The following BRINP3 variants were observed in gnomAD, a reference collection of about 807,000 sequenced individuals.
The protein encoded by BRINP3 is BMP/retinoic acid-inducible neural-specific protein 3.
In BRINP3, 19 loss-of-function variants were observed where a neutral mutation model predicts 71.0. The observed-to-expected ratio is 0.27, with a 90% confidence interval of 0.19 to 0.39. The LOEUF is 0.39. Ranked by LOEUF, BRINP3 falls within the 10% of genes least tolerant of loss-of-function variation. The pLI is 1.00. For synonymous variants in BRINP3, 380 were observed against 337.7 expected (o/e 1.13, Z -1.37); for missense variants, 959 against 940.8 (o/e 1.02, Z -0.25).
chr1:190,361,860 G>T (rs1202986024), intron 2 of BRINP3, among the ~76,000 whole-genome samples: 3 of 152,106 alleles, frequency 2.0e-5, no homozygotes, highest in African/African-American at 7.2e-5. Flanking sequence ...TTGACAGGTG[G>T]TGGTAAATGT....
At chr1:190,325,068 T>C (rs937375175) in intron 2 of BRINP3, among the ~76,000 whole-genome samples, 2 of 151,946 alleles carry the variant, frequency 1.3e-5, no homozygotes, top group East Asian at 1.9e-4. Context: ...ATCGGCAGCA[T>C]AGTAGGACAA....
chr1:190,121,494 T>C (rs2102319141), intron 7 of BRINP3, among the ~76,000 whole-genome samples: 1 of 152,294 alleles, frequency 6.6e-6, no homozygotes, highest in East Asian at 1.9e-4. Flanking sequence ...GCTAACAATG[T>C]GCTATTGATA....
chr1:190,243,457 T>G (rs1442231642), intron 4 of BRINP3, among the ~76,000 whole-genome samples: 1 of 152,098 alleles, frequency 6.6e-6, no homozygotes, highest in Non-Finnish European at 1.5e-5. Flanking sequence ...AAACTGACAT[T>G]TTTATAAAAA....
chr1:190,246,623 T>C (rs556839065), intron 4 of BRINP3, among the ~76,000 whole-genome samples: 1 of 152,120 alleles, frequency 6.6e-6, no homozygotes, highest in South Asian at 2.1e-4. Flanking sequence ...TTCATTCAAA[T>C]TTAATTTACT....
chr1:190,421,617 T>A (rs1416932876), intron 2 of BRINP3, among the ~76,000 whole-genome samples: 2 of 151,702 alleles, frequency 1.3e-5, no homozygotes, highest in Admixed American at 1.3e-4. Context: ...ATAATAAATA[T>A]CACATGTCAC....
chr1:190,189,544 C>CT (rs543369470), intron 6 of BRINP3, among the ~76,000 whole-genome samples: 508 of 151,860 alleles, frequency 3.3e-3, no homozygotes, highest in African/African-American at 0.012. Context: ...GCTGTTGATA[C>CT]TTTTTTTCAC....
intron 2 of BRINP3, among the ~76,000 whole-genome samples, chr1:190,442,498 T>C (rs1674892917): frequency 6.6e-6 from 1 of 152,148 alleles, no homozygotes; most frequent in African/African-American, 2.4e-5. Context: ...TTTGACTCTT[T>C]TCAACTATTT....
chr1:190,369,840 T>C (rs575931638), intron 2 of BRINP3, among the ~76,000 whole-genome samples: 1 of 152,282 alleles, frequency 6.6e-6, no homozygotes, highest in South Asian at 2.1e-4. Context: ...AAATATATTA[T>C]GTTTTTAAAA....
intron 2 of BRINP3, among the ~76,000 whole-genome samples, chr1:190,316,676 C>T (rs1214579195): frequency 2.0e-5 from 3 of 152,054 alleles, no homozygotes; most frequent in Admixed American, 6.6e-5. Flanking sequence ...ACCTGTGGGA[C>T]CTCTAAAATC....
intron 6 of BRINP3, among the ~76,000 whole-genome samples, chr1:190,168,302 T>A (rs1332330651): frequency 6.6e-6 from 1 of 152,150 alleles, no homozygotes; most frequent in South Asian, 2.1e-4. Context: ...TATCAAATTC[T>A]CAGCCCTGAA....
chr1:190,471,815 G>A (rs990816577), intron 1 of BRINP3, among the ~76,000 whole-genome samples: 5 of 151,302 alleles, frequency 3.3e-5, no homozygotes, highest in South Asian at 2.1e-4. Context: ...TTTTGTAAAG[G>A]TGACTGTACC....
At position 190,280,725 on chromosome 1, in the gene BRINP3, T is replaced by C. The variant is rs553563252; in HGVS notation, c.427+835A>G. Among the ~76,000 whole-genome samples the C allele has an allele frequency of 5.3e-5, 8 of 152,052 alleles. No individual in the cohort carries two copies. In the South Asian group the frequency reaches 1.2e-3, roughly 24 times the overall value. ...GACAAGAAAGCAGGGATTCACTCTT[T>C]TCCTGGCTTTCCTATTCAATTTTAT... On this transcript the variant is annotated intron_variant, in intron 3 of 7. Transcript: ENST00000367462.
chr1:190,291,082 A>C (rs1480491706), intron 2 of BRINP3, among the ~76,000 whole-genome samples: 1 of 152,054 alleles, frequency 6.6e-6, no homozygotes, highest in Admixed American at 6.6e-5. Flanking sequence ...CAGAAGCAAA[A>C]AGCCAAGTAT....
At chr1:190,392,060 A>G (rs1387220729) in intron 2 of BRINP3, among the ~76,000 whole-genome samples, 1 of 9,802 alleles carries the variant, frequency 1.0e-4, no homozygotes, top group African/African-American at 2.1e-4. Context: ...AGCTTGGCCA[A>G]AAAAAAAAAA....
chr1:190,107,584 T>G (rs897076220), intron 7 of BRINP3, among the ~76,000 whole-genome samples: 3 of 152,034 alleles, frequency 2.0e-5, no homozygotes, highest in Non-Finnish European at 4.4e-5. Flanking sequence ...TATAATAGAT[T>G]CTTATCTTGT....
At chr1:190,138,765 C>T (rs537586615) in intron 7 of BRINP3, among the ~76,000 whole-genome samples, 10 of 152,124 alleles carry the variant, frequency 6.6e-5, no homozygotes, top group Non-Finnish European at 1.5e-4. Context: ...GGTAGAATGG[C>T]CATGTCCTTC....
At chr1:190,473,773 ATTT>A (rs200647038) in intron 1 of BRINP3, among the ~76,000 whole-genome samples, 3,394 of 142,402 alleles carry the variant, frequency 0.024, 57 homozygotes, top group Middle Eastern at 0.044. Flanking sequence ...ATAATTTTCT[ATTT>A]TTTTTTTTTT....
intron 7 of BRINP3, among the ~76,000 whole-genome samples, chr1:190,124,844 T>C (rs892217341): frequency 1.3e-5 from 2 of 152,056 alleles, no homozygotes; most frequent in African/African-American, 4.8e-5. Context: ...GAAGTAAAAA[T>C]TAGTGTTTAT....
chr1:190,374,374 TTA>T (rs1670055859), intron 2 of BRINP3, among the ~76,000 whole-genome samples: 1 of 152,168 alleles, frequency 6.6e-6, no homozygotes, highest in South Asian at 2.1e-4. Flanking sequence ...ACTGGAAGCT[TTA>T]TTGCTAAGTC....
Sources: gnomAD v4.1 joint callset for allele counts (sites outside exome capture counted in the v4.1 genomes callset) on GRCh38, gnomAD v4.1.1 for gene constraint, MANE v1.5 for transcripts, NCBI Gene and HGNC (gene_info 2026-07-23, HGNC 2026-07-21) for gene names.